STK4: variants seen among roughly 807,000 people sequenced by gnomAD.
The protein encoded by STK4 is serine/threonine kinase 4.
A neutral mutation model predicts 64.9 loss-of-function variants in STK4; 30 were observed. The ratio of observed to expected loss-of-function variants is 0.46; its 90% CI spans 0.35 to 0.63. The LOEUF is 0.63. Ranked by LOEUF, STK4 falls within the 20% of genes least tolerant of loss-of-function variation. The pLI, the probability that STK4 is intolerant of heterozygous loss-of-function variation, is 0.01. For synonymous variants in STK4, 177 were observed against 199.0 expected (o/e 0.89, Z 0.93); for missense variants, 466 against 598.5 (o/e 0.78, Z 2.31).
intron 3 of STK4, among the ~76,000 whole-genome samples, chr20:44,981,016 A>G (rs2067428858): frequency 6.6e-6 from 1 of 151,730 alleles, no homozygotes; most frequent in South Asian, 2.1e-4. Context: ...CTTCCAAATC[A>G]CTTTGGAGTT....
chr20:44,988,523 A>G (rs11697638), intron 5 of STK4, among the ~76,000 whole-genome samples: 17 of 108,614 alleles, frequency 1.6e-4, no homozygotes, highest in Admixed American at 4.1e-4. Context: ...GTGTATATAT[A>G]TGTGTGTGTG....
chr20:45,006,528 C>G (rs1255964952), intron 9 of STK4, among the ~76,000 whole-genome samples: 1 of 151,674 alleles, frequency 6.6e-6, no homozygotes, highest in Non-Finnish European at 1.5e-5. Context: ...TTTGTTATCT[C>G]TCATATTGTT....
intron 9 of STK4, among the ~76,000 whole-genome samples, chr20:45,005,721 A>G (rs1316677438): frequency 6.6e-6 from 1 of 151,290 alleles, no homozygotes; most frequent in Non-Finnish European, 1.5e-5. Context: ...TTATGAACAT[A>G]GTGAGCTACT....
chr20:45,054,776 A>G lies in STK4; in HGVS notation c.1306-20242A>G, dbSNP rs1446061685. ...AAGAGCAAATGAGATTAATACATAT[A>G]AAATACTTAATGTATGGCTGCTAAT... On this transcript the variant is annotated intron_variant, in intron 10 of 10. Coordinates refer to ENST00000372806, the MANE Select transcript of STK4 (RefSeq NM_006282.5). Among the ~76,000 whole-genome samples, 4 of 152,160 alleles carry G rather than the reference A, an allele frequency of 2.6e-5. No individual in the cohort carries two copies. The East Asian group carries it at 7.7e-4, about 29-fold the overall frequency.
intron 10 of STK4, among the ~76,000 whole-genome samples, chr20:45,032,896 A>G (rs150182014): frequency 1.1e-3 from 163 of 152,286 alleles, no homozygotes; most frequent in African/African-American, 3.6e-3. Context: ...CCAGCAGTGT[A>G]TAAGTAATCC....
intron 10 of STK4, among the ~76,000 whole-genome samples, chr20:45,052,694 A>G (rs1405791948): frequency 6.6e-6 from 1 of 152,216 alleles, no homozygotes; most frequent in Admixed American, 6.5e-5. Flanking sequence ...GGTTTTAACC[A>G]TCAGCACCTG....
chr20:44,967,034 T>C (rs1417015017), intron 1 of STK4, among the ~76,000 whole-genome samples: 1 of 151,474 alleles, frequency 6.6e-6, no homozygotes, highest in African/African-American at 2.4e-5. Context: ...GGGTCTGAAG[T>C]CCCACTTGAG....
intron 3 of STK4, among the ~76,000 whole-genome samples, chr20:44,979,698 C>T (rs1441034143): frequency 6.6e-6 from 1 of 152,112 alleles, no homozygotes; most frequent in East Asian, 1.9e-4. Context: ...GGGCTACCTA[C>T]CAAAAAATTA....
At chr20:44,981,147 C>T (rs2067431347) in intron 3 of STK4, among the ~76,000 whole-genome samples, 1 of 151,398 alleles carries the variant, frequency 6.6e-6, no homozygotes, top group Admixed American at 6.6e-5. Context: ...TTTTATTATA[C>T]GGCTATAGCA....
chr20:45,074,682 T>C (rs1420159791), intron 10 of STK4, among the ~76,000 whole-genome samples: 1 of 152,198 alleles, frequency 6.6e-6, no homozygotes, highest in Non-Finnish European at 1.5e-5. Context: ...AAGTTACTGT[T>C]ATTTTAATGC....
chr20:45,059,808 G>C (rs1425797395), intron 10 of STK4, among the ~76,000 whole-genome samples: 1 of 152,046 alleles, frequency 6.6e-6, no homozygotes, highest in Non-Finnish European at 1.5e-5. Flanking sequence ...TAATTTTATT[G>C]CAAGTAGGAT....
intron 10 of STK4, among the ~76,000 whole-genome samples, chr20:45,062,289 C>A (rs963124572): frequency 5.9e-5 from 9 of 152,204 alleles, no homozygotes; most frequent in Non-Finnish European, 8.8e-5. Context: ...GGCTACACAG[C>A]ATTCCATGGT....
intron 10 of STK4, among the ~76,000 whole-genome samples, chr20:45,068,850 A>AGTGGTCCAT: frequency 6.6e-6 from 1 of 152,370 alleles, no homozygotes; most frequent in South Asian, 2.1e-4. Flanking sequence ...TGAAGTAATT[A>AGTGGTCCAT]ACATACTTCT....
chr20:44,989,107 A>G (rs1410703319), intron 5 of STK4, among the ~76,000 whole-genome samples: 1 of 152,136 alleles, frequency 6.6e-6, no homozygotes, highest in Non-Finnish European at 1.5e-5. Context: ...ACAGGTTTTT[A>G]TGTGAACCGT....
At chr20:45,010,863 AG>A (rs1190904285) in intron 9 of STK4, among the ~76,000 whole-genome samples, 1 of 152,208 alleles carries the variant, frequency 6.6e-6, no homozygotes, top group Non-Finnish European at 1.5e-5. Context: ...TGGTTTTCAA[AG>A]GGAGCATGCC....
intron 10 of STK4, among the ~76,000 whole-genome samples, chr20:45,067,274 AC>A (rs995970889): frequency 6.6e-6 from 1 of 152,176 alleles, no homozygotes; most frequent in African/African-American, 2.4e-5. Context: ...TCACAACAAA[AC>A]ATCACCTGAG....
At chr20:45,009,786 G>A (rs2068012869) in intron 9 of STK4, among the ~76,000 whole-genome samples, 1 of 152,012 alleles carries the variant, frequency 6.6e-6, no homozygotes, top group Non-Finnish European at 1.5e-5. Context: ...CATTTTCTTT[G>A]TGGCTGTTGT....
At chr20:45,072,628 G>A (rs1397759462) in intron 10 of STK4, among the ~76,000 whole-genome samples, 1 of 152,146 alleles carries the variant, frequency 6.6e-6, no homozygotes, top group African/African-American at 2.4e-5. Flanking sequence ...TGTTCAATGA[G>A]TATTTATAAA....
Position 45,003,211 on chromosome 20 carries a change from A to G in STK4, c.1147+1858A>G, listed in dbSNP as rs1245894067. ...GAGACAGGGTCTTGCTATGATGCCC[A>G]GGCTGGTTTTGGGCTCCTGGTCTTA... On this transcript the variant is annotated intron_variant, in intron 9 of 10. Transcript: ENST00000372806. Among the ~76,000 whole-genome samples, 4 of 152,174 alleles carry G rather than the reference A, an allele frequency of 2.6e-5. No individual in the cohort carries two copies. In the South Asian group the frequency reaches 6.2e-4, roughly 24 times the overall value.
Sources: allele counts gnomAD v4.1 joint callset (sites outside exome capture counted in the v4.1 genomes callset), GRCh38; gene constraint gnomAD v4.1.1; transcripts MANE v1.5; gene names NCBI Gene and HGNC (gene_info 2026-07-23, HGNC 2026-07-21).